Variants in KIF26B observed in about 807,000 individuals in gnomAD.
The protein encoded by KIF26B is kinesin family member 26B.
KIF26B carries 63 observed loss-of-function variants against 151.2 expected under a neutral mutation model. The ratio of observed to expected loss-of-function variants is 0.42; its 90% CI spans 0.34 to 0.51. The LOEUF is 0.51. KIF26B is among the 20% of genes least tolerant of loss of function. KIF26B has a pLI of 0.07. For missense variants in KIF26B, 2,813 were observed against 2,913.6 expected, an observed-to-expected ratio of 0.97 and a Z score of 0.79; for synonymous variants, 1,357 against 1,262.1, an observed-to-expected ratio of 1.08 and a Z score of -1.59.
At position 245,242,946 on chromosome 1, in the gene KIF26B, A is replaced by G. The variant is rs74226487; in HGVS notation, c.465+86263A>G. ...ATTACAGGCATGAGCCACCGCGCCC[A>G]GCCATATGTGGTTTATTTACTTCTC... On this transcript the variant is annotated intron_variant, in intron 2 of 14. Transcript: ENST00000407071. Among the ~76,000 whole-genome samples the G allele has an allele frequency of 1.7e-3, 252 of 152,254 alleles. 1 individual carries two copies. Among genetic ancestry groups the G allele is most frequent in the East Asian group, 0.012 (63 of 5,180 alleles).
rs1377404743 is a variant in KIF26B, at chr1:245,597,930, A to G, written c.1351-4647A>G. On this transcript the variant is annotated intron_variant, in intron 5 of 14. Coordinates refer to ENST00000407071, the MANE Select transcript of KIF26B (RefSeq NM_018012.4). This position sits in a 1 kb window ranked among gnomAD's most constrained non-coding sequence, Gnocchi z 4.6. Reference sequence around the variant, plus strand: ...TTCCGCTTGATCGATTCAGCTATTGATACTGTGTGTGCTTCATGAAGTTCT... The same window carrying G: ...TTCCGCTTGATCGATTCAGCTATTGGTACTGTGTGTGCTTCATGAAGTTCT... Among the ~76,000 whole-genome samples the G allele has an allele frequency of 2.0e-5, 3 of 151,892 alleles. No homozygotes were observed. The highest frequency in any genetic ancestry group is 4.4e-5 in the Non-Finnish European group (3 of 68,010).
At chr1:245,197,161 T>G (rs1023154053) in intron 2 of KIF26B, among the ~76,000 whole-genome samples, 3 of 152,166 alleles carry the variant, frequency 2.0e-5, no homozygotes, top group Non-Finnish European at 4.4e-5. Flanking sequence ...AATAACAACC[T>G]TCCACACTCA....
chr1:245,587,121 C>G (rs544799476), intron 5 of KIF26B, among the ~76,000 whole-genome samples: 9 of 151,042 alleles, frequency 6.0e-5, no homozygotes, highest in African/African-American at 2.2e-4. Context: ...GTCAGCCTGC[C>G]CCCCTGCACC....
At chr1:245,294,490 G>A (rs1389657580) in intron 2 of KIF26B, among the ~76,000 whole-genome samples, 1 of 152,126 alleles carries the variant, frequency 6.6e-6, no homozygotes, top group African/African-American at 2.4e-5. Context: ...AGGAGTCAAA[G>A]TTAACAAGAC....
At chr1:245,204,200 C>T (rs2103539664) in intron 2 of KIF26B, among the ~76,000 whole-genome samples, 1 of 152,224 alleles carries the variant, frequency 6.6e-6, no homozygotes, top group East Asian at 1.9e-4. Context: ...CTGGAAGGTA[C>T]ATCAGGCCTA....
At chr1:245,332,632 TC>T (rs564514626) in intron 2 of KIF26B, among the ~76,000 whole-genome samples, 253 of 152,276 alleles carry the variant, frequency 1.7e-3, no homozygotes, top group African/African-American at 5.9e-3. Flanking sequence ...GTGAGTCGTC[TC>T]CTGGAAGCCA....
chr1:245,462,011 T>TA (rs1659659423), intron 4 of KIF26B, among the ~76,000 whole-genome samples: 1 of 152,040 alleles, frequency 6.6e-6, no homozygotes, highest in Admixed American at 6.6e-5. Context: ...TGCATGCCTG[T>TA]AGTCCCAGGT....
chr1:245,392,453 T>G (rs138434085), intron 3 of KIF26B, among the ~76,000 whole-genome samples: 22 of 152,374 alleles, frequency 1.4e-4, no homozygotes, highest in African/African-American at 4.8e-4. Context: ...ATCTGAAATA[T>G]CTCTCTAATT....
chr1:245,556,170 T>C (rs1165873304), intron 5 of KIF26B, among the ~76,000 whole-genome samples: 1 of 152,188 alleles, frequency 6.6e-6, no homozygotes, highest in African/African-American at 2.4e-5. Flanking sequence ...AAACAGCTGC[T>C]GAACAAAAAT....
chr1:245,404,882 A>G (rs780948415), intron 3 of KIF26B, among the ~76,000 whole-genome samples: 1 of 152,206 alleles, frequency 6.6e-6, no homozygotes, highest in Non-Finnish European at 1.5e-5. Context: ...TTAGTTTTGT[A>G]TCTTCTGAGG....
rs1491364000 is a variant in KIF26B at position 245,612,052 on chromosome 1, CTT to C, written c.2098+78_2098+79del. ...CAGAAATCCCTTGGGCAACCATGAC[CTT>C]TGTGTGTGTGTGTGTGTGTGTGTGT... is the stretch of plus-strand genomic sequence containing the variant. On this transcript the variant is annotated intron_variant, in intron 9 of 14. Coordinates refer to ENST00000407071, the MANE Select transcript of KIF26B (RefSeq NM_018012.4). The C allele has an allele frequency of 2.0e-4, 205 of 1,031,882 alleles. 1 individual carries two copies. In the African/African-American group the frequency reaches 3.3e-3, roughly 17 times the overall value. The allele number at this position is 1,031,882 out of a possible 1,614,324, so 63.9% of individuals were successfully genotyped here.
rs558537939 is a variant in KIF26B at position 245,422,282 on chromosome 1, T to TC, written c.1166+2544dup. Among the ~76,000 whole-genome samples, 588 of 151,920 alleles carry TC rather than the reference T, an allele frequency of 3.9e-3. 5 individuals are homozygous for TC. The highest frequency in any genetic ancestry group is 7.2e-3 in the Non-Finnish European group (490 of 67,940). ...AAAAGAACAATTCTTTCTATAGATTTCCCCCCCACCCTTTACTCATTACCA... is the reference window on the plus strand; with the variant it reads ...AAAAGAACAATTCTTTCTATAGATTTCCCCCCCCACCCTTTACTCATTACCA... On this transcript the variant is annotated intron_variant, in intron 4 of 14. Coordinates refer to ENST00000407071, the MANE Select transcript of KIF26B (RefSeq NM_018012.4).
intron 4 of KIF26B, among the ~76,000 whole-genome samples, chr1:245,491,918 A>C (rs1175484540): frequency 6.6e-6 from 1 of 152,150 alleles, no homozygotes; most frequent in African/African-American, 2.4e-5. Flanking sequence ...AGAAAAAAAA[A>C]AAATCTGGTA....
intron 2 of KIF26B, among the ~76,000 whole-genome samples, chr1:245,337,955 G>A (rs571558079): frequency 7.0e-4 from 107 of 152,160 alleles, no homozygotes; most frequent in South Asian, 1.4e-3. Context: ...CAATCACAAA[G>A]GCAAAACCAA....
At chr1:245,331,350 ACT>A (rs1437531319) in intron 2 of KIF26B, among the ~76,000 whole-genome samples, 1 of 151,968 alleles carries the variant, frequency 6.6e-6, no homozygotes, top group Admixed American at 6.6e-5. Context: ...AGCTCACGAC[ACT>A]CTTTCTTCAT....
intron 2 of KIF26B, among the ~76,000 whole-genome samples, chr1:245,282,373 T>C (rs897301326): frequency 1.3e-5 from 2 of 152,132 alleles, no homozygotes; most frequent in African/African-American, 4.8e-5. Flanking sequence ...TCCGGAAAAG[T>C]TTCTCGTAAA....
intron 4 of KIF26B, among the ~76,000 whole-genome samples, chr1:245,521,693 G>A (rs141864166): frequency 9.9e-4 from 150 of 152,060 alleles, no homozygotes; most frequent in Non-Finnish European, 1.7e-3. Context: ...CCACTCATCC[G>A]TCTGTATTTG....
intron 5 of KIF26B, among the ~76,000 whole-genome samples, chr1:245,545,194 G>A (rs994725983): frequency 5.9e-5 from 9 of 151,308 alleles, no homozygotes; most frequent in Non-Finnish European, 1.0e-4. Flanking sequence ...CTCCACCTCC[G>A]GGGTTCAAGT....
chr1:245,617,126 C>T (rs983820624), intron 9 of KIF26B, among the ~76,000 whole-genome samples: 7 of 152,146 alleles, frequency 4.6e-5, no homozygotes, highest in African/African-American at 1.7e-4. Context: ...CACTGAGTCT[C>T]GCACTGTCAC....
Sources: gnomAD v4.1 joint callset for allele counts (sites outside exome capture counted in the v4.1 genomes callset) on GRCh38, gnomAD v4.1.1 for gene constraint, Gnocchi (gnomAD v3.1) non-coding constraint, MANE v1.5 for transcripts, NCBI Gene and HGNC (gene_info 2026-07-23, HGNC 2026-07-21) for gene names.